The following NRG2 variants were observed in gnomAD, a reference collection of about 807,000 sequenced individuals.
NRG2 encodes the protein neuregulin 2, also known as pro-neuregulin-2, membrane-bound isoform.
Under a neutral mutation model 73.9 loss-of-function variants are expected in NRG2, and 27 were observed. The ratio of observed to expected loss-of-function variants is 0.37; its 90% CI spans 0.27 to 0.50. NRG2 has a LOEUF of 0.50. Ranked by LOEUF, NRG2 falls within the 20% of genes least tolerant of loss-of-function variation. The pLI is 0.96. For missense variants in NRG2, 1,126 were observed against 1,210.1 expected (o/e 0.93, Z 1.03); for synonymous variants, 532 against 541.0 (o/e 0.98, Z 0.23).
chr5:139,899,537 C>G (rs1764746347), intron 1 of NRG2, among the ~76,000 whole-genome samples: 1 of 152,238 alleles, frequency 6.6e-6, no homozygotes, highest in East Asian at 1.9e-4. Context: ...TAACAAACCA[C>G]TGTCTTCTCA....
rs1197252949 is a variant in NRG2 at position 140,008,337 on chromosome 5, G to C, written c.700+34033C>G. On this transcript the variant is annotated intron_variant, in intron 1 of 9. Transcript: ENST00000361474. The surrounding 1 kb of genome is among the most constrained non-coding windows in gnomAD (Gnocchi z 4.2). ...AGGGCTATCGCTGGCCCCTTTTACTGGATAGCTGACCACACAACTGTTTGC... is the reference window on the plus strand; with the variant it reads ...AGGGCTATCGCTGGCCCCTTTTACTCGATAGCTGACCACACAACTGTTTGC... Among the ~76,000 whole-genome samples, 1 of 152,138 alleles carries C rather than the reference G, an allele frequency of 6.6e-6. No individual in the cohort carries two copies. Among genetic ancestry groups the C allele is most frequent in the Non-Finnish European group, 1.5e-5 (1 of 68,012 alleles).
chr5:139,894,586 G>A lies in NRG2; in HGVS notation c.701-7075C>T, dbSNP rs1481626281. Among the ~76,000 whole-genome samples, 2 of 152,166 alleles carry A rather than the reference G, an allele frequency of 1.3e-5. No homozygotes were observed. Among genetic ancestry groups the A allele is most frequent in the African/African-American group, 4.8e-5 (2 of 41,450 alleles). On this transcript the variant is annotated intron_variant, in intron 1 of 9. Coordinates refer to ENST00000361474, the MANE Select transcript of NRG2 (RefSeq NM_004883.3). This position sits in a 1 kb window ranked among gnomAD's most constrained non-coding sequence, Gnocchi z 5.0. ...CACTCACAGGACAGACTCCCAAAGG[G>A]AGTGTATGCCCAGCTGGGCTGCTTA... is the stretch of plus-strand genomic sequence containing the variant.
At chr5:139,934,363 A>C (rs917235811) in intron 1 of NRG2, among the ~76,000 whole-genome samples, 7 of 152,242 alleles carry the variant, frequency 4.6e-5, no homozygotes, top group African/African-American at 1.7e-4. Flanking sequence ...AAGACTAAGC[A>C]ATGGGAAATG....
chr5:139,872,599 TA>T (rs1762935162), intron 3 of NRG2, among the ~76,000 whole-genome samples: 2 of 152,092 alleles, frequency 1.3e-5, no homozygotes, highest in African/African-American at 4.8e-5. Context: ...GCCCCAGCCA[TA>T]AATCACGGGT....
chr5:139,853,066 C>A lies in NRG2; in HGVS notation c.1293-39G>T. The A allele has an allele frequency of 1.9e-6, 3 of 1,610,390 alleles. No homozygotes were observed. Among genetic ancestry groups the A allele is most frequent in the Non-Finnish European group, 1.7e-6 (2 of 1,178,710 alleles). ...GGGAAGGTGAGGCTGGCATTCCCCC[C>A]ACTCGCCAACGATGAACTTCCCTAG... On this transcript the variant is annotated intron_variant, in intron 6 of 9. Transcript: ENST00000361474. This position sits in a 1 kb window ranked among gnomAD's most constrained non-coding sequence, Gnocchi z 4.1.
chr5:139,966,024 A>G (rs1035966488), intron 1 of NRG2, among the ~76,000 whole-genome samples: 3 of 152,080 alleles, frequency 2.0e-5, no homozygotes, highest in Non-Finnish European at 2.9e-5. Flanking sequence ...CCACTAGGCT[A>G]TAAGCCCCAT....
intron 1 of NRG2, among the ~76,000 whole-genome samples, chr5:139,965,518 C>A (rs1755436290): frequency 6.6e-6 from 1 of 152,242 alleles, no homozygotes; most frequent in South Asian, 2.1e-4. Context: ...GAGGCCGTGG[C>A]TTTCATGCCA....
In NRG2 at chr5:139,913,461, C is replaced by A. The variant is rs527339203; in HGVS notation, c.701-25950G>T. On this transcript the variant is annotated intron_variant, in intron 1 of 9. Transcript: ENST00000361474. ...GAGTACTTCCTTTACATGATTTTAT[C>A]CACAATTTCCCCCTAAATTATTCTG... 4.6e-5 allele frequency among the ~76,000 whole-genome samples: 7 copies of A among 152,326 alleles called. No individual in the cohort carries two copies. The South Asian group carries it at 1.2e-3, about 27-fold the overall frequency.
intron 1 of NRG2, among the ~76,000 whole-genome samples, chr5:139,937,983 G>A (rs1306235721): frequency 6.6e-6 from 1 of 152,190 alleles, no homozygotes; most frequent in Non-Finnish European, 1.5e-5. Flanking sequence ...GGAGGATAAG[G>A]CAGGAGGATT....
At position 139,856,061 on chromosome 5, in the gene NRG2, A is replaced by G. The variant is rs1761789739; in HGVS notation, c.1190-283T>C. 3 of 440,142 alleles carry G rather than the reference A, an allele frequency of 6.8e-6. No homozygotes were observed. Among genetic ancestry groups the G allele is most frequent in the Non-Finnish European group, 1.3e-5 (3 of 239,300 alleles). 27.3% of individuals were successfully genotyped at this position (440,142 alleles called of 1,614,324 possible). ...CCTGCCCAGAGCACATGAGTGGAAAATGCAGGGGAATGGGAAGGGATGGAG... is the reference window on the plus strand; with the variant it reads ...CCTGCCCAGAGCACATGAGTGGAAAGTGCAGGGGAATGGGAAGGGATGGAG... On this transcript the variant is annotated intron_variant, in intron 5 of 9. Transcript: ENST00000361474. The surrounding 1 kb of genome is among the most constrained non-coding windows in gnomAD (Gnocchi z 4.2).
At position 139,847,952 on chromosome 5, in the gene NRG2, G is replaced by C; in HGVS notation, c.2518C>G (p.Pro840Ala). Residue 840 changes from proline (P) to alanine (A), a missense_variant, in exon 10 of 10, where the codon CCC (proline) becomes GCC (alanine). Physicochemically the swap from Pro to Ala is conservative, Grantham distance 27. This residue lies in a region of NRG2 where 402 missense variants were observed against 357.8 expected (regional missense o/e 1.12). Transcript: ENST00000361474. ...GCCGAGTCCTGCTTGGCCCGCGGGG[G>C]CGGCCCGCGGCTGTGTCTGCTGCTG... is the stretch of plus-strand genomic sequence containing the variant. The part of the protein sequence containing the change: ...RASSRHSRGP[P>A]PRAKQDSAPL The C allele has an allele frequency of 6.6e-7, 1 of 1,507,222 alleles. No individual in the cohort carries two copies. The highest frequency in any genetic ancestry group is 1.2e-5 in the South Asian group (1 of 80,472). 93.4% of individuals were successfully genotyped at this position (1,507,222 alleles called of 1,614,324 possible). A position where few individuals can be genotyped will look rare whatever the true frequency, so the allele number is the denominator to read the frequency against.
chr5:139,885,720 G>GTT (rs1763818713), intron 2 of NRG2, among the ~76,000 whole-genome samples: 1 of 151,942 alleles, frequency 6.6e-6, no homozygotes, highest in South Asian at 2.1e-4. Context: ...GTGTGTGTGT[G>GTT]GTGGGGGGGA....
chr5:139,967,186 T>C (rs1020693857), intron 1 of NRG2, among the ~76,000 whole-genome samples: 6 of 152,114 alleles, frequency 3.9e-5, no homozygotes, highest in African/African-American at 1.2e-4. Flanking sequence ...CCAGGGATCA[T>C]GGGATTCAAG....
chr5:140,004,451 A>G (rs182063312), intron 1 of NRG2, among the ~76,000 whole-genome samples: 36 of 152,360 alleles, frequency 2.4e-4, no homozygotes, highest in African/African-American at 7.5e-4. Flanking sequence ...AGGGTAAGAT[A>G]GTAACTTTAC....
chr5:139,851,586 CA>C lies in NRG2; in HGVS notation c.1772+17del. The C allele has an allele frequency of 6.2e-7, 1 of 1,611,988 alleles. No individual in the cohort carries two copies. Among genetic ancestry groups the C allele is most frequent in the Non-Finnish European group, 8.5e-7 (1 of 1,178,596 alleles). ...CCCTCTGGCTAAGCGGGGAATAGGT[CA>C]GGGGGTAGGAACTGACCTCTCGCTG... On this transcript the variant is annotated intron_variant, in intron 9 of 9. Coordinates refer to ENST00000361474, the MANE Select transcript of NRG2 (RefSeq NM_004883.3). This position sits in a 1 kb window ranked among gnomAD's most constrained non-coding sequence, Gnocchi z 4.2.
At chr5:139,990,007 C>G (rs1345173065) in intron 1 of NRG2, among the ~76,000 whole-genome samples, 7 of 151,360 alleles carry the variant, frequency 4.6e-5, no homozygotes, top group Non-Finnish European at 1.0e-4. Context: ...CCAGGATGGT[C>G]TTGATCTCCT....
intron 1 of NRG2, among the ~76,000 whole-genome samples, chr5:139,888,138 A>ACACACACACACACACACC (rs1763991181): frequency 6.6e-6 from 1 of 151,816 alleles, no homozygotes; most frequent in African/African-American, 2.4e-5. Flanking sequence ...ACACACACAC[A>ACACACACACACACACACC]CCCTGAAAGA....
chr5:139,924,483 C>A (rs1057277607), intron 1 of NRG2, among the ~76,000 whole-genome samples: 1 of 152,212 alleles, frequency 6.6e-6, no homozygotes, highest in Admixed American at 6.5e-5. Context: ...CTAATAACTT[C>A]CCTGCTGGAT....
intron 1 of NRG2, among the ~76,000 whole-genome samples, chr5:139,978,239 A>C (rs1223758247): frequency 6.6e-6 from 1 of 152,242 alleles, no homozygotes; most frequent in Non-Finnish European, 1.5e-5. Context: ...AACTCCAACA[A>C]ATTTACAAGA....
Sources: allele counts gnomAD v4.1 joint callset (sites outside exome capture counted in the v4.1 genomes callset), GRCh38; gene constraint gnomAD v4.1.1; regional missense constraint gnomAD v4.1.1; non-coding constraint Gnocchi (gnomAD v3.1); transcripts MANE v1.5; gene names NCBI Gene and HGNC (gene_info 2026-07-23, HGNC 2026-07-21).